The following WEE2 variants were observed in gnomAD, a reference collection of about 807,000 sequenced individuals.
WEE2 encodes the protein WEE2 oocyte meiosis inhibiting kinase, also known as wee1-like protein kinase 2.
WEE2 carries 50 observed loss-of-function variants against 60.1 expected under a neutral mutation model. That is an observed-to-expected ratio of 0.83 (90% confidence interval 0.66 to 1.05). The LOEUF is 1.05. Among genes scored for constraint, WEE2 ranks in the 50% least tolerant of loss-of-function variants. The pLI, the probability that WEE2 is intolerant of heterozygous loss-of-function variation, is 0.00. For synonymous variants in WEE2, 240 were observed against 241.0 expected (o/e 1.00, Z 0.04); for missense variants, 631 against 684.3 (o/e 0.92, Z 0.87).
chr7:141,726,557 A>G (rs1227492346), intron 9 of WEE2, among the ~76,000 whole-genome samples: 1 of 152,176 alleles, frequency 6.6e-6, no homozygotes, highest in African/African-American at 2.4e-5. Flanking sequence ...CTAATCACCT[A>G]TTTCCATATG....
intron 4 of WEE2, among the ~76,000 whole-genome samples, chr7:141,719,528 G>GGAGAACC (rs1563014575): frequency 6.6e-6 from 1 of 152,170 alleles, no homozygotes; most frequent in Non-Finnish European, 1.5e-5. Flanking sequence ...TTGGCTCACT[G>GGAGAACC]CAATCTCCAC....
rs55901099 is a variant in WEE2, at chr7:141,727,321, T to G, written c.1410T>G (p.Asp470Glu). The change falls in exon 10 of 12, where the codon GAT (aspartate) becomes GAG (glutamate). Residue 470 changes from aspartate to glutamate, a missense_variant. By Grantham distance (45) the Asp-to-Glu change is conservative. Transcript: ENST00000397541. Reference protein sequence around the residue: ...SSLLKNMIQPDAEQRPSAAAL... With the variant: ...SSLLKNMIQPEAEQRPSAAAL... ...ATCATCAGAACATGATCCAACCTGA[T>G]GCCGAACAGAGACCTTCTGCAGCAG... 12 of 1,614,016 alleles carry G rather than the reference T, an allele frequency of 7.4e-6. No homozygotes were observed. Among genetic ancestry groups the G allele is most frequent in the Non-Finnish European group, 1.0e-5 (12 of 1,180,008 alleles).
intron 1 of WEE2, among the ~76,000 whole-genome samples, chr7:141,712,744 A>G (rs1463919234): frequency 6.6e-6 from 1 of 152,190 alleles, no homozygotes; most frequent in Non-Finnish European, 1.5e-5. Context: ...AGATGTGACA[A>G]CTAGAACTAT....
Position 141,723,929 on chromosome 7 carries a change from T to C in WEE2, c.1028-12T>C, listed in dbSNP as rs754431807. The C allele has an allele frequency of 6.7e-7, 1 of 1,491,160 alleles. No individual in the cohort carries two copies. Among genetic ancestry groups the C allele is most frequent in the South Asian group, 1.2e-5 (1 of 82,310 alleles). 92.4% of individuals were successfully genotyped at this position (1,491,160 alleles called of 1,614,324 possible). ...GTCATTACTTACATCTATCCTGTCA[T>C]TTTTTTTTCAGGTAATATATTCATT... On this transcript the variant is annotated splice_polypyrimidine_tract_variant and intron_variant, in intron 6 of 11. Coordinates refer to ENST00000397541, the MANE Select transcript of WEE2 (RefSeq NM_001105558.1).
At position 141,714,428 on chromosome 7, in the gene WEE2, C is replaced by A. The variant is rs772073471; in HGVS notation, c.539+23C>A. The A allele has an allele frequency of 3.2e-6, 5 of 1,558,330 alleles. No homozygotes were observed. The African/African-American group carries it at 5.5e-5, about 17-fold the overall frequency. ...TCTGTAAGTGCTCTATTACTTATGACTTTTGAGAACTGACCCTACTACAGT... is the reference window on the plus strand; with the variant it reads ...TCTGTAAGTGCTCTATTACTTATGAATTTTGAGAACTGACCCTACTACAGT... On this transcript the variant is annotated intron_variant, in intron 2 of 11. Transcript: ENST00000397541.
rs1227593223 is a variant in WEE2, at chr7:141,723,873, A to C, written c.1028-68A>C. On this transcript the variant is annotated intron_variant, in intron 6 of 11. Coordinates refer to ENST00000397541, the MANE Select transcript of WEE2 (RefSeq NM_001105558.1). ...AGAGAAGCTGAATTGTCAAATACAG[A>C]AAAGAATCTTTGAGAGGAAAAAGCT... 6.5e-6 allele frequency: 7 copies of C among 1,073,568 alleles called. No individual in the cohort carries two copies. In the African/African-American group the frequency reaches 1.1e-4, roughly 17 times the overall value. The allele number at this position is 1,073,568 out of a possible 1,614,324, so 66.5% of individuals were successfully genotyped here.
chr7:141,726,573 C>T (rs1799021977), intron 9 of WEE2, among the ~76,000 whole-genome samples: 1 of 152,114 alleles, frequency 6.6e-6, no homozygotes, highest in Non-Finnish European at 1.5e-5. Context: ...ATATGTAAAC[C>T]ACTTTTGCAT....
chr7:141,714,091 G>A, intron 1 of WEE2, 118 bp from the exon 2 acceptor site: 1 of 812,644 alleles, frequency 1.2e-6, no homozygotes, highest in Admixed American at 2.6e-5. Context: ...CATGGAACCA[G>A]ATAATTTCTA....
chr7:141,724,171 T>C lies in WEE2; in HGVS notation c.1136-19T>C, dbSNP rs1284114652. On this transcript the variant is annotated intron_variant, in intron 7 of 11. Coordinates refer to ENST00000397541, the MANE Select transcript of WEE2 (RefSeq NM_001105558.1). ...TCTTTTGTTCGATTTTATTCTTTTT[T>C]CCTTTTTCTTTTTTTTAGGTGACCT... 1 of 1,596,076 alleles carries C rather than the reference T, an allele frequency of 6.3e-7. No individual in the cohort carries two copies. The highest frequency in any genetic ancestry group is 2.2e-5 in the East Asian group (1 of 44,800).
In WEE2 at chr7:141,719,098, G is replaced by A. The variant is rs1239893897; in HGVS notation, c.612G>A (p.Met204Ile). Residue 204 changes from methionine (M) to isoleucine (I), a missense_variant, in exon 4 of 12, where the codon ATG becomes ATA. Physicochemically the swap from Met to Ile is conservative, Grantham distance 10. Coordinates refer to ENST00000397541, the MANE Select transcript of WEE2 (RefSeq NM_001105558.1). ...AKRCVLRETN[M>I]ASRYEKEFLE... ...GATGTGTTTTACGAGAAACCAACATGGCTTCCCGCTATGAAAAAGAATTCT... is the reference window on the plus strand; with the variant it reads ...GATGTGTTTTACGAGAAACCAACATAGCTTCCCGCTATGAAAAAGAATTCT... 1 of 1,613,932 alleles carries A rather than the reference G, an allele frequency of 6.2e-7. No homozygotes were observed. The highest frequency in any genetic ancestry group is 8.5e-7 in the Non-Finnish European group (1 of 1,179,970).
intron 2 of WEE2, among the ~76,000 whole-genome samples, chr7:141,715,302 C>T (rs9942597): frequency 0.52 from 79,524 of 151,978 alleles, 21,222 homozygotes; most frequent in African/African-American, 0.62. Context: ...ATACTCTCAC[C>T]GAAGCCAGCA....
chr7:141,720,911 C>A (rs1195316805), intron 4 of WEE2, 24 bp from the exon 5 acceptor site: 2 of 1,605,146 alleles, frequency 1.2e-6, no homozygotes, highest in South Asian at 2.2e-5. Flanking sequence ...TGTTTTTATT[C>A]CTCAATGCTT....
At chr7:141,712,962 C>T (rs925979649) in intron 1 of WEE2, among the ~76,000 whole-genome samples, 19 of 152,234 alleles carry the variant, frequency 1.2e-4, no homozygotes, top group Admixed American at 6.5e-4. Context: ...ATGATAAACA[C>T]GCAGGAAAGC....
chr7:141,727,174 CCTCTGCACAA>C (rs1252458221), intron 9 of WEE2, 120 bp from the exon 10 acceptor site: 9 of 974,132 alleles, frequency 9.2e-6, no homozygotes, highest in Non-Finnish European at 1.4e-5. Context: ...TCATTTCTTT[CCTCTGCACAA>C]AGCAGAAGCA....
intron 1 of WEE2, 127 bp from the exon 2 acceptor site, chr7:141,714,082 A>G (rs971407635): frequency 2.7e-6 from 2 of 734,138 alleles, no homozygotes; most frequent in Non-Finnish European, 4.4e-6. Context: ...ACCAGTTCAC[A>G]TGGAACCAGA....
In WEE2 at chr7:141,723,167, C is replaced by T; in HGVS notation, c.914C>T (p.Thr305Ile). ...GSLQAAISEN[T>I]KSGNHFEEPK... ...TTGCAAGCTGCTATATCTGAAAACA[C>T]TAAGTCTGGCAATCATTTTGAAGAG... The change falls in exon 6 of 12, where the codon ACT becomes ATT. Residue 305 changes from threonine (T) to isoleucine (I), a missense_variant. Thr to Ile is a moderately conservative substitution (Grantham distance 89). Coordinates refer to ENST00000397541, the MANE Select transcript of WEE2 (RefSeq NM_001105558.1). The T allele has an allele frequency of 6.2e-7, 1 of 1,614,190 alleles. No homozygotes were observed. Among genetic ancestry groups the T allele is most frequent in the South Asian group, 1.1e-5 (1 of 91,084 alleles).
chr7:141,722,757 A>C (rs1798938674), intron 5 of WEE2, among the ~76,000 whole-genome samples: 1 of 152,184 alleles, frequency 6.6e-6, no homozygotes, highest in Admixed American at 6.6e-5. Flanking sequence ...TAATTAGGTA[A>C]AACTTTTAAA....
At chr7:141,723,069 G>A in intron 5 of WEE2, 65 bp from the exon 6 acceptor site, 1 of 1,590,170 alleles carries the variant, frequency 6.3e-7, no homozygotes. Flanking sequence ...GAGGCCAATT[G>A]TATTTACTAT....
chr7:141,730,553 A>G lies in WEE2; in HGVS notation c.*233A>G. On this transcript the variant is annotated 3_prime_UTR_variant, in exon 12 of 12. Coordinates refer to ENST00000397541, the MANE Select transcript of WEE2 (RefSeq NM_001105558.1). ...GCTTCTTTGAGGAAGTGGGTCTCCT[A>G]ATGTATACCCTTTCTGATATTGTAT... The G allele has an allele frequency of 2.0e-6, 1 of 493,026 alleles. No homozygotes were observed. The highest frequency in any genetic ancestry group is 3.6e-6 in the Non-Finnish European group (1 of 278,608). The allele number at this position is 493,026 out of a possible 1,614,324, so 30.5% of individuals were successfully genotyped here.
Sources: gnomAD v4.1 joint callset for allele counts (sites outside exome capture counted in the v4.1 genomes callset) on GRCh38, gnomAD v4.1.1 for gene constraint, MANE v1.5 for transcripts, NCBI Gene and HGNC (gene_info 2026-07-23, HGNC 2026-07-21) for gene names.